Variants in ITSN2 observed in about 807,000 individuals in gnomAD.
ITSN2 encodes the protein intersectin 2, also known as intersectin-2.
Under a neutral mutation model 243.7 loss-of-function variants are expected in ITSN2, and 156 were observed. That is an observed-to-expected ratio of 0.64 (90% CI 0.56 to 0.73). The LOEUF (loss-of-function observed/expected upper bound fraction) is 0.73. Among genes scored for constraint, ITSN2 ranks in the 30% least tolerant of loss-of-function variants. ITSN2 has a pLI of 0.00. For synonymous variants in ITSN2, 703 were observed against 699.9 expected, an observed-to-expected ratio of 1.00 and a Z score of -0.07; for missense variants, 1,801 against 1,996.1, an observed-to-expected ratio of 0.90 and a Z score of 1.86.
intron 22 of ITSN2, 111 bp from the exon 23 acceptor site, chr2:24,258,204 G>A (rs1487413280): frequency 1.5e-5 from 11 of 735,114 alleles, no homozygotes; most frequent in African/African-American, 3.5e-5. Flanking sequence ...TTTGTGTCGT[G>A]GTGACTTAAG....
At chr2:24,355,570 A>G (rs1287434769) in intron 1 of ITSN2, among the ~76,000 whole-genome samples, 2 of 152,234 alleles carry the variant, frequency 1.3e-5, no homozygotes, top group African/African-American at 4.8e-5. Flanking sequence ...TACACCTTAT[A>G]CAAAAATTAA....
chr2:24,252,926 A>G (rs1169026382), intron 24 of ITSN2, among the ~76,000 whole-genome samples: 1 of 152,154 alleles, frequency 6.6e-6, no homozygotes, highest in East Asian at 1.9e-4. Flanking sequence ...AATCTGCTAT[A>G]TTATTTTCTC....
chr2:24,309,724 T>C (rs565983456), intron 7 of ITSN2, among the ~76,000 whole-genome samples: 2 of 152,242 alleles, frequency 1.3e-5, no homozygotes, highest in South Asian at 2.1e-4. Flanking sequence ...ATGGGTAAAC[T>C]ATGGCTCAGC....
intron 19 of ITSN2, among the ~76,000 whole-genome samples, chr2:24,271,383 TACTACTA>T (rs1413187368): frequency 6.6e-6 from 1 of 152,224 alleles, no homozygotes; most frequent in African/African-American, 2.4e-5. Flanking sequence ...AGAGATACAA[TACTACTA>T]AAAGTATTGT....
chr2:24,236,981 C>T (rs1672237041), intron 29 of ITSN2, among the ~76,000 whole-genome samples: 1 of 151,862 alleles, frequency 6.6e-6, no homozygotes, highest in South Asian at 2.1e-4. Flanking sequence ...CAGGCATGAG[C>T]CACCATCCTG....
At chr2:24,273,577 T>G (rs936923472) in intron 18 of ITSN2, 12 of 152,196 alleles carry the variant, frequency 7.9e-5, no homozygotes, top group Non-Finnish European at 1.6e-4. Flanking sequence ...CTTCATTCTT[T>G]CCATCAACTC....
At chr2:24,298,460 G>C (rs1041728146) in intron 13 of ITSN2, among the ~76,000 whole-genome samples, 8 of 151,912 alleles carry the variant, frequency 5.3e-5, no homozygotes, top group Admixed American at 5.2e-4. Flanking sequence ...GCCCACAGCT[G>C]GCTAATTTTT....
In ITSN2 at chr2:24,270,678, A is replaced by G. The variant is rs769373625; in HGVS notation, c.2348T>C (p.Ile783Thr). The G allele has an allele frequency of 1.3e-6, 2 of 1,540,090 alleles. No individual in the cohort carries two copies. Among genetic ancestry groups the G allele is most frequent in the Non-Finnish European group, 8.9e-7 (1 of 1,118,252 alleles). The change falls in exon 20 of 40, where the codon ATA (isoleucine) becomes ACA (threonine). Residue 783 changes from isoleucine to threonine, a missense_variant. Ile to Thr is a moderately conservative substitution (Grantham distance 89). This residue lies in a region of ITSN2 where 787 missense variants were observed against 803.9 expected (regional missense o/e 0.98). Transcript: ENST00000355123. The part of the protein sequence containing the change: ...HDEMSFNSGD[I>T]IQVDEKTVGE... ...AAAAAATTCATTTCCTACCTGAATT[A>G]TATCTCCAGAATTAAAACTCATCTC...
At chr2:24,335,363 C>T (rs1223095822) in intron 1 of ITSN2, among the ~76,000 whole-genome samples, 2 of 152,118 alleles carry the variant, frequency 1.3e-5, no homozygotes, top group African/African-American at 2.4e-5. Context: ...GACAAAGTAT[C>T]ACCCTGCCAC....
intron 1 of ITSN2, among the ~76,000 whole-genome samples, chr2:24,328,848 TATAAA>T (rs1685461686): frequency 1.3e-5 from 2 of 152,196 alleles, no homozygotes; most frequent in Non-Finnish European, 2.9e-5. Context: ...TCAAGGGGTT[TATAAA>T]ATAGTCTAAA....
chr2:24,289,122 C>T (rs1048112588), intron 15 of ITSN2, among the ~76,000 whole-genome samples: 5 of 152,090 alleles, frequency 3.3e-5, no homozygotes, highest in Admixed American at 2.0e-4. Flanking sequence ...ATTCCATATA[C>T]GTTTTAAAAT....
intron 29 of ITSN2, among the ~76,000 whole-genome samples, chr2:24,223,452 G>A (rs1670670337): frequency 6.6e-6 from 1 of 152,008 alleles, no homozygotes; most frequent in Non-Finnish European, 1.5e-5. Flanking sequence ...GCTGAGGCGG[G>A]AGGATCACTT....
At chr2:24,210,488 T>C (rs1026436070) in intron 34 of ITSN2, among the ~76,000 whole-genome samples, 3 of 152,014 alleles carry the variant, frequency 2.0e-5, no homozygotes, top group African/African-American at 7.3e-5. Context: ...AGCAGATGCC[T>C]GTAGTCCCAG....
Position 24,357,770 on chromosome 2 carries a change from G to A in ITSN2, c.-34+2534C>T, listed in dbSNP as rs998196124. On this transcript the variant is annotated intron_variant, in intron 1 of 39. Coordinates refer to ENST00000355123, the MANE Select transcript of ITSN2 (RefSeq NM_006277.3). ...TATCACATTTTTGGTAATGTAACTC[G>A]TTTATTCTGAATCATTTCTGGAACT... is the stretch of plus-strand genomic sequence containing the variant. 2.6e-5 allele frequency among the ~76,000 whole-genome samples: 4 copies of A among 152,202 alleles called. No homozygotes were observed. In the South Asian group the frequency reaches 6.2e-4, roughly 24 times the overall value.
intron 8 of ITSN2, among the ~76,000 whole-genome samples, chr2:24,305,330 G>A (rs977158421): frequency 4.6e-5 from 7 of 152,042 alleles, no homozygotes; most frequent in African/African-American, 9.7e-5. Context: ...GGACAGGCGC[G>A]GTAGCTCACG....
At chr2:24,264,162 G>T (rs926889825) in intron 20 of ITSN2, among the ~76,000 whole-genome samples, 6 of 152,022 alleles carry the variant, frequency 3.9e-5, no homozygotes, top group African/African-American at 9.7e-5. Flanking sequence ...AAGGCCGAGG[G>T]GGGCAGATCA....
chr2:24,277,598 G>A (rs1678175829), intron 17 of ITSN2, among the ~76,000 whole-genome samples: 1 of 152,158 alleles, frequency 6.6e-6, no homozygotes, highest in South Asian at 2.1e-4. Context: ...GAAGCAAGGT[G>A]GTTTAGTGAT....
At chr2:24,277,839 A>T (rs1678209954) in intron 17 of ITSN2, among the ~76,000 whole-genome samples, 1 of 152,222 alleles carries the variant, frequency 6.6e-6, no homozygotes, top group Admixed American at 6.5e-5. Flanking sequence ...AAATAAATAC[A>T]TAAATAAATA....
intron 22 of ITSN2, among the ~76,000 whole-genome samples, chr2:24,258,551 C>G (rs1558504345): frequency 6.6e-6 from 1 of 152,132 alleles, no homozygotes; most frequent in African/African-American, 2.4e-5. Context: ...ATTCATTCTT[C>G]TTTCTTTCCC....
Sources: gnomAD v4.1 joint callset for allele counts (sites outside exome capture counted in the v4.1 genomes callset) on GRCh38, gnomAD v4.1.1 for gene constraint, gnomAD v4.1.1 regional missense constraint, MANE v1.5 for transcripts, NCBI Gene and HGNC (gene_info 2026-07-23, HGNC 2026-07-21) for gene names.